KCNK10: variants seen among roughly 807,000 people sequenced by gnomAD.
KCNK10 encodes the protein potassium channel subfamily K member 10.
Under a neutral mutation model 47.7 loss-of-function variants are expected in KCNK10, and 25 were observed. The ratio of observed to expected loss-of-function variants is 0.52; its 90% confidence interval spans 0.38 to 0.73. The LOEUF is 0.73. Ranked by LOEUF, KCNK10 falls within the 30% of genes least tolerant of loss-of-function variation. KCNK10 has a pLI of 0.00. For synonymous variants in KCNK10, 303 were observed against 285.6 expected (o/e 1.06, Z -0.61); for missense variants, 563 against 714.5 (o/e 0.79, Z 2.42).
rs1467003238 is a variant in KCNK10 at position 88,180,615 on chromosome 14, G to A, written c.*4920C>T. Reference sequence around the variant, plus strand: ...TTCAGATTTTTCACCTAAGAATCAAGAACACAAAGTAGATACCAAATCTCA... The same window carrying A: ...TTCAGATTTTTCACCTAAGAATCAAAAACACAAAGTAGATACCAAATCTCA... On this transcript the variant is annotated 3_prime_UTR_variant, in exon 7 of 7. Transcript: ENST00000319231. The A allele has an allele frequency of 2.5e-6, 1 of 395,964 alleles. No individual in the cohort carries two copies. The highest frequency in any genetic ancestry group is 3.6e-5 in the East Asian group (1 of 28,138). 24.5% of individuals were successfully genotyped at this position (395,964 alleles called of 1,614,324 possible).
chr14:88,250,068 A>G (rs928989119), intron 2 of KCNK10, among the ~76,000 whole-genome samples: 3 of 152,234 alleles, frequency 2.0e-5, no homozygotes, highest in South Asian at 4.1e-4. Flanking sequence ...TTGGAAAAAA[A>G]TGCAGTCACA....
intron 1 of KCNK10, among the ~76,000 whole-genome samples, chr14:88,312,760 T>C (rs1888354345): frequency 6.6e-6 from 1 of 152,178 alleles, no homozygotes. Context: ...ACATAGATGG[T>C]GCCCACACAA....
intron 1 of KCNK10, chr14:88,270,720 A>G: frequency 1.3e-6 from 1 of 780,960 alleles, no homozygotes; most frequent in African/African-American, 1.7e-5. Context: ...CTTAGTCCAG[A>G]ACCCCATCTT....
At chr14:88,262,445 C>T (rs761873300) in intron 2 of KCNK10, among the ~76,000 whole-genome samples, 45 of 152,250 alleles carry the variant, frequency 3.0e-4, no homozygotes, top group Non-Finnish European at 6.0e-4. Context: ...TCCCTCGCAC[C>T]GCAGCCCCAC....
chr14:88,317,649 T>G (rs577181816), intron 1 of KCNK10, among the ~76,000 whole-genome samples: 2 of 152,342 alleles, frequency 1.3e-5, no homozygotes, highest in Non-Finnish European at 2.9e-5. Context: ...CTCTGCCTGT[T>G]TGTTGCTTTG....
At chr14:88,222,683 C>T (rs1279259292) in intron 4 of KCNK10, among the ~76,000 whole-genome samples, 1 of 152,120 alleles carries the variant, frequency 6.6e-6, no homozygotes, top group Non-Finnish European at 1.5e-5. Context: ...ATCTTCCCCT[C>T]CATTTTGCTG....
chr14:88,236,895 G>C (rs1472221235), intron 3 of KCNK10, among the ~76,000 whole-genome samples: 1 of 152,210 alleles, frequency 6.6e-6, no homozygotes, highest in Admixed American at 6.5e-5. Flanking sequence ...GATGACTACT[G>C]ACTGATCAGG....
intron 3 of KCNK10, chr14:88,235,274 T>C (rs1420355110): frequency 2.2e-6 from 1 of 456,472 alleles, no homozygotes; most frequent in East Asian, 6.9e-5. Context: ...AATATCCAGT[T>C]TGCCTGGGGC....
chr14:88,217,459 G>A (rs914836594), intron 4 of KCNK10, among the ~76,000 whole-genome samples: 1 of 152,206 alleles, frequency 6.6e-6, no homozygotes, highest in Non-Finnish European at 1.5e-5. Context: ...ATAGGTATTG[G>A]AAACTGTAGC....
intron 4 of KCNK10, among the ~76,000 whole-genome samples, chr14:88,207,040 T>C (rs527980971): frequency 6.6e-6 from 1 of 152,302 alleles, no homozygotes; most frequent in South Asian, 2.1e-4. Context: ...GCAATAAGCA[T>C]TAGCAGGGAG....
chr14:88,194,505 T>C (rs976594741), intron 4 of KCNK10, among the ~76,000 whole-genome samples: 11 of 152,348 alleles, frequency 7.2e-5, no homozygotes, highest in Non-Finnish European at 1.5e-4. Context: ...GTTTGTGAGA[T>C]GCTTGTTAAG....
chr14:88,299,857 G>A (rs1888059363), intron 1 of KCNK10, among the ~76,000 whole-genome samples: 1 of 152,148 alleles, frequency 6.6e-6, no homozygotes, highest in African/African-American at 2.4e-5. Context: ...AGTATATAGT[G>A]ACACAGCTGA....
At chr14:88,304,068 G>T (rs1888160216) in intron 1 of KCNK10, among the ~76,000 whole-genome samples, 1 of 152,112 alleles carries the variant, frequency 6.6e-6, no homozygotes, top group Non-Finnish European at 1.5e-5. Flanking sequence ...ATACTAAATT[G>T]TACTTTGGGA....
chr14:88,235,055 G>C (rs1187785328), intron 3 of KCNK10: 1 of 456,310 alleles, frequency 2.2e-6, no homozygotes. Context: ...AGGATAAAGA[G>C]GGAGAGCAGC....
intron 1 of KCNK10, among the ~76,000 whole-genome samples, chr14:88,296,852 G>A (rs1392413951): frequency 1.3e-5 from 2 of 152,120 alleles, no homozygotes; most frequent in African/African-American, 4.8e-5. Context: ...GCCAAAGCAT[G>A]GTACCAATAT....
intron 1 of KCNK10, among the ~76,000 whole-genome samples, chr14:88,313,568 G>T (rs1888370207): frequency 6.6e-6 from 1 of 152,134 alleles, no homozygotes. Context: ...GGCAGGAAAT[G>T]AGCCCTCTCC....
Position 88,186,056 on chromosome 14 carries a change from G to T in KCNK10, c.1111C>A (p.Leu371Met). The T allele has an allele frequency of 6.2e-7, 1 of 1,613,046 alleles. No homozygotes were observed. Reference sequence around the variant, plus strand: ...CTGCGGATGGTGGCCGCCCGCTGCAGCTTATCGTGGATCTCCACGCTGAGC... The same window carrying T: ...CTGCGGATGGTGGCCGCCCGCTGCATCTTATCGTGGATCTCCACGCTGAGC... ...RRLSVEIHDK[L>M]QRAATIRSME... Residue 371 changes from leucine (L) to methionine (M), a missense_variant, in exon 7 of 7, where the codon CTG becomes ATG. Leu to Met is a conservative substitution (Grantham distance 15). Coordinates refer to ENST00000319231, the MANE Select transcript of KCNK10 (RefSeq NM_138317.3). This position sits in a 1 kb window ranked among gnomAD's most constrained non-coding sequence, Gnocchi z 5.5.
chr14:88,291,683 A>G (rs969543471), intron 1 of KCNK10, among the ~76,000 whole-genome samples: 10 of 152,178 alleles, frequency 6.6e-5, no homozygotes, highest in African/African-American at 2.2e-4. Context: ...GTGCAATTCT[A>G]GGAGAACACA....
At chr14:88,281,724 CTCCATAT>C (rs1887652921) in intron 1 of KCNK10, among the ~76,000 whole-genome samples, 2 of 101,610 alleles carry the variant, frequency 2.0e-5, no homozygotes, top group Non-Finnish European at 4.2e-5. Flanking sequence ...CTCTCTCTCT[CTCCATAT>C]ATATATATAT....
Sources: gnomAD v4.1 joint callset for allele counts (sites outside exome capture counted in the v4.1 genomes callset) on GRCh38, gnomAD v4.1.1 for gene constraint, Gnocchi (gnomAD v3.1) non-coding constraint, MANE v1.5 for transcripts, NCBI Gene and HGNC (gene_info 2026-07-23, HGNC 2026-07-21) for gene names.